The following SCFD2 variants were observed in gnomAD, a reference collection of about 807,000 sequenced individuals.
The protein encoded by SCFD2 is sec1 family domain containing 2.
SCFD2 carries 54 observed loss-of-function variants against 58.9 expected under a neutral mutation model. The ratio of observed to expected loss-of-function variants is 0.92; its 90% CI spans 0.74 to 1.15. SCFD2 has a LOEUF of 1.15. SCFD2 is among the 50% of genes most tolerant of loss of function. The pLI, the probability that SCFD2 is intolerant of heterozygous loss-of-function variation, is 0.00. For synonymous variants in SCFD2, 321 were observed against 335.9 expected, an observed-to-expected ratio of 0.96 and a Z score of 0.49; for missense variants, 805 against 836.6, an observed-to-expected ratio of 0.96 and a Z score of 0.47.
chr4:53,049,966 C>A (rs970869443), intron 5 of SCFD2, among the ~76,000 whole-genome samples: 1 of 151,920 alleles, frequency 6.6e-6, no homozygotes, highest in African/African-American at 2.4e-5. Context: ...CAGCATTCAG[C>A]AAATGTTTAT....
At chr4:52,971,016 T>C (rs376941668) in intron 5 of SCFD2, among the ~76,000 whole-genome samples, 3 of 152,256 alleles carry the variant, frequency 2.0e-5, no homozygotes, top group African/African-American at 4.8e-5. Context: ...ACCCTATCTG[T>C]ACGTCACCAT....
chr4:52,926,236 G>A (rs543890347), intron 5 of SCFD2, among the ~76,000 whole-genome samples: 1 of 152,040 alleles, frequency 6.6e-6, no homozygotes, highest in Non-Finnish European at 1.5e-5. Context: ...TGGTGCTTGG[G>A]CCACCTTTTC....
chr4:53,146,418 A>G lies in SCFD2; in HGVS notation c.1312-836T>C, dbSNP rs1265037936. ...AAAATATAAAATAATCCTGTAAGAT[A>G]AAACTCTACACTTTGTATTTATATT... is the stretch of plus-strand genomic sequence containing the variant. On this transcript the variant is annotated intron_variant, in intron 4 of 8. Transcript: ENST00000401642. Among the ~76,000 whole-genome samples, 5 of 152,324 alleles carry G rather than the reference A, an allele frequency of 3.3e-5. 1 individual carries two copies. The highest frequency in any genetic ancestry group is 3.9e-4 in the East Asian group (2 of 5,190).
Position 53,323,530 on chromosome 4 carries a change from ATT to A in SCFD2, c.1008-9769_1008-9768del, listed in dbSNP as rs1201482656. ...AGGTGCATGCCACCATGCCCAGCTAATTTTTTTTTTTTTTTTTTTTTTTTTTA... is the reference window on the plus strand; with the variant it reads ...AGGTGCATGCCACCATGCCCAGCTAATTTTTTTTTTTTTTTTTTTTTTTTA... On this transcript the variant is annotated intron_variant, in intron 2 of 8. Transcript: ENST00000401642. Among the ~76,000 whole-genome samples the A allele has an allele frequency of 8.8e-3, 942 of 106,732 alleles. 6 individuals are homozygous for A. The highest frequency in any genetic ancestry group is 0.056 in the Middle Eastern group (10 of 180). 70.0% of individuals were successfully genotyped at this position (106,732 alleles called of 152,430 possible). A position where few individuals can be genotyped will look rare whatever the true frequency, so the allele number is the denominator to read the frequency against.
intron 4 of SCFD2, among the ~76,000 whole-genome samples, chr4:53,259,370 T>C (rs919567839): frequency 6.6e-6 from 1 of 152,238 alleles, no homozygotes; most frequent in Non-Finnish European, 1.5e-5. Context: ...TGTAAGTCTT[T>C]GATCCATCTT....
intron 2 of SCFD2, among the ~76,000 whole-genome samples, chr4:53,318,214 AACAG>A (rs779846699): frequency 2.9e-4 from 44 of 152,338 alleles, no homozygotes; most frequent in African/African-American, 4.6e-4. Context: ...CTTACTTCAA[AACAG>A]ACAGCTATAG....
chr4:53,095,952 T>G (rs1030369532), intron 5 of SCFD2, among the ~76,000 whole-genome samples: 6 of 152,008 alleles, frequency 3.9e-5, no homozygotes, highest in Admixed American at 6.6e-5. Flanking sequence ...TCCCACCTAT[T>G]AGTGAGAACA....
intron 5 of SCFD2, among the ~76,000 whole-genome samples, chr4:53,113,368 T>C (rs904061841): frequency 3.9e-5 from 6 of 152,106 alleles, no homozygotes; most frequent in African/African-American, 1.4e-4. Flanking sequence ...CATGTGCTTG[T>C]TAGTGGCAGC....
chr4:53,340,723 C>A (rs990647599), intron 2 of SCFD2, among the ~76,000 whole-genome samples: 2 of 152,190 alleles, frequency 1.3e-5, no homozygotes. Flanking sequence ...TAGGGGGCGA[C>A]GGACACCTCA....
At chr4:53,248,003 C>G (rs1330097480) in intron 4 of SCFD2, among the ~76,000 whole-genome samples, 2 of 152,100 alleles carry the variant, frequency 1.3e-5, no homozygotes, top group Admixed American at 6.6e-5. Flanking sequence ...GCATTTCCAT[C>G]TGAGGTACTG....
chr4:53,163,538 C>T (rs1018866264), intron 4 of SCFD2, among the ~76,000 whole-genome samples: 2 of 152,090 alleles, frequency 1.3e-5, no homozygotes, highest in African/African-American at 4.8e-5. Context: ...AGTGATTGAG[C>T]CAACATGGCA....
chr4:53,158,804 A>G (rs1257568641), intron 4 of SCFD2, among the ~76,000 whole-genome samples: 1 of 152,220 alleles, frequency 6.6e-6, no homozygotes, highest in Non-Finnish European at 1.5e-5. Context: ...CTGACAGATT[A>G]CAATTAAACT....
rs145402846 is a variant in SCFD2 at position 53,006,395 on chromosome 4, T to C, written c.1562-85525A>G. Among the ~76,000 whole-genome samples the C allele has an allele frequency of 3.5e-3, 529 of 152,340 alleles. 2 individuals are homozygous for C. The highest frequency in any genetic ancestry group is 0.012 in the African/African-American group (502 of 41,582). ...CACACCATTGGGCCTGGAGGTGAAGTAGATATTCGCCTTTCATCAAAAATA... is the reference window on the plus strand; with the variant it reads ...CACACCATTGGGCCTGGAGGTGAAGCAGATATTCGCCTTTCATCAAAAATA... On this transcript the variant is annotated intron_variant, in intron 5 of 8. Transcript: ENST00000401642.
chr4:52,928,051 T>C (rs1463703226), intron 5 of SCFD2, among the ~76,000 whole-genome samples: 4 of 152,180 alleles, frequency 2.6e-5, no homozygotes, highest in Admixed American at 6.5e-5. Context: ...AAAAAAATTA[T>C]AGGCTAGGTG....
intron 4 of SCFD2, among the ~76,000 whole-genome samples, chr4:53,198,697 A>T (rs1728136499): frequency 6.9e-6 from 1 of 145,562 alleles, no homozygotes; most frequent in Non-Finnish European, 1.5e-5. Flanking sequence ...GTGTGTATAC[A>T]TGTGTTCATT....
At chr4:53,142,870 T>C (rs1048397101) in intron 5 of SCFD2, among the ~76,000 whole-genome samples, 3 of 152,192 alleles carry the variant, frequency 2.0e-5, no homozygotes, top group African/African-American at 7.2e-5. Context: ...GTTCCAGTGG[T>C]AAGTTTGAAT....
chr4:53,143,947 A>C (rs1418351785), intron 5 of SCFD2, among the ~76,000 whole-genome samples: 1 of 152,164 alleles, frequency 6.6e-6, no homozygotes, highest in African/African-American at 2.4e-5. Flanking sequence ...AATTAGCTTT[A>C]CACAAAATAT....
rs2148891715 is a variant in SCFD2, at chr4:53,120,691, C to G, written c.1561+24642G>C. ...CTGTCAGGCGTCATACCCAACTGAA[C>G]CCAAGAGGACATTTTGCTTGGATGA... On this transcript the variant is annotated intron_variant, in intron 5 of 8. Coordinates refer to ENST00000401642, the MANE Select transcript of SCFD2 (RefSeq NM_152540.4). Among the ~76,000 whole-genome samples the G allele has an allele frequency of 2.0e-5, 3 of 152,116 alleles. No homozygotes were observed. The South Asian group carries it at 6.3e-4, about 32-fold the overall frequency.
chr4:53,325,896 A>ACG (rs1733178533), intron 2 of SCFD2, among the ~76,000 whole-genome samples: 2 of 152,160 alleles, frequency 1.3e-5, no homozygotes, highest in African/African-American at 4.8e-5. Flanking sequence ...CTCCCCCAAA[A>ACG]TCAAACCTGA....
Sources: gnomAD v4.1 joint callset for allele counts (sites outside exome capture counted in the v4.1 genomes callset) on GRCh38, gnomAD v4.1.1 for gene constraint, MANE v1.5 for transcripts, NCBI Gene and HGNC (gene_info 2026-07-23, HGNC 2026-07-21) for gene names.